Variants in MBD5 observed in about 807,000 individuals in gnomAD.
MBD5 encodes methyl-CpG-binding domain protein 5.
Under a neutral mutation model 117.3 loss-of-function variants are expected in MBD5, and 13 were observed. The observed-to-expected ratio is 0.11, with a 90% CI of 0.07 to 0.18. MBD5 has a LOEUF of 0.18. MBD5 is among the 10% of genes least tolerant of loss of function. The pLI, the probability that MBD5 is intolerant of heterozygous loss-of-function variation, is 1.00. For synonymous variants in MBD5, 727 were observed against 766.4 expected (o/e 0.95, Z 0.85); for missense variants, 1,879 against 2,093.8 (o/e 0.90, Z 2.00).
intron 1 of MBD5, among the ~76,000 whole-genome samples, chr2:148,088,057 G>C (rs2105209880): frequency 6.6e-6 from 1 of 151,786 alleles, no homozygotes. Flanking sequence ...GATAGACTTA[G>C]AGAAATACAA....
intron 1 of MBD5, among the ~76,000 whole-genome samples, chr2:148,112,167 T>C (rs995333351): frequency 1.3e-5 from 2 of 152,186 alleles, no homozygotes; most frequent in Non-Finnish European, 2.9e-5. Context: ...GGAATACTGT[T>C]ATTGGAACTT....
intron 1 of MBD5, among the ~76,000 whole-genome samples, chr2:148,095,376 A>T (rs1696042494): frequency 6.6e-6 from 1 of 152,144 alleles, no homozygotes; most frequent in African/African-American, 2.4e-5. Context: ...AGAAATATAA[A>T]TCTGCTCAAG....
chr2:148,373,552 G>C (rs550190745), intron 4 of MBD5, among the ~76,000 whole-genome samples: 1 of 152,024 alleles, frequency 6.6e-6, no homozygotes, highest in African/African-American at 2.4e-5. Flanking sequence ...GCTTTCTAGA[G>C]CATGCTATTC....
intron 4 of MBD5, among the ~76,000 whole-genome samples, chr2:148,419,708 A>G (rs1225177212): frequency 6.6e-6 from 1 of 152,084 alleles, no homozygotes; most frequent in Non-Finnish European, 1.5e-5. Flanking sequence ...TTTATATGTT[A>G]GTATTATATC....
At chr2:148,211,430 T>G (rs1422224080) in intron 2 of MBD5, among the ~76,000 whole-genome samples, 2 of 152,190 alleles carry the variant, frequency 1.3e-5, no homozygotes, top group African/African-American at 4.8e-5. Flanking sequence ...CAAGATTAAC[T>G]CTTTAAAACT....
chr2:148,160,936 G>T (rs1019317864), intron 1 of MBD5, among the ~76,000 whole-genome samples: 2 of 152,072 alleles, frequency 1.3e-5, no homozygotes, highest in African/African-American at 2.4e-5. Context: ...AACTTGCTTT[G>T]CACGTAGTAG....
intron 2 of MBD5, among the ~76,000 whole-genome samples, chr2:148,199,324 CA>C (rs1480919324): frequency 6.6e-6 from 1 of 152,098 alleles, no homozygotes; most frequent in African/African-American, 2.4e-5. Flanking sequence ...CCAATTGGGG[CA>C]GAAAACTAAC....
rs531622204 is a variant in MBD5, at chr2:148,041,630, T to C, written c.-925+19946T>C. Among the ~76,000 whole-genome samples the C allele has an allele frequency of 2.3e-4, 35 of 152,278 alleles. 1 individual carries two copies. In the South Asian group the frequency reaches 5.8e-3, roughly 25 times the overall value. On this transcript the variant is annotated intron_variant, in intron 1 of 13. Transcript: ENST00000642680. The stretch of plus-strand genomic sequence containing the variant: ...GTTTAACAGCTTTCACTCTTGTACC[T>C]GTACACACGTTACACACTTATGCAT...
intron 1 of MBD5, among the ~76,000 whole-genome samples, chr2:148,065,320 G>C (rs953250237): frequency 6.6e-6 from 1 of 152,132 alleles, no homozygotes; most frequent in Non-Finnish European, 1.5e-5. Flanking sequence ...GTTAAGGTAG[G>C]AGGGGGAGGA....
intron 4 of MBD5, 39 bp downstream of exon 4, chr2:148,342,375 A>G (rs1702968450): frequency 6.6e-6 from 1 of 151,984 alleles, no homozygotes; most frequent in Non-Finnish European, 1.5e-5. Flanking sequence ...TCTTCATACA[A>G]TTATAGTTTT....
intron 3 of MBD5, among the ~76,000 whole-genome samples, chr2:148,310,253 C>T (rs1025828509): frequency 9.9e-5 from 15 of 152,202 alleles, no homozygotes; most frequent in African/African-American, 2.6e-4. Context: ...TGGTAGAATT[C>T]GGCTGTGAAT....
At chr2:148,373,950 A>C (rs1703923032) in intron 4 of MBD5, among the ~76,000 whole-genome samples, 1 of 152,148 alleles carries the variant, frequency 6.6e-6, no homozygotes, top group Non-Finnish European at 1.5e-5. Flanking sequence ...AAAATGCCCC[A>C]AAATCAGAAA....
intron 3 of MBD5, among the ~76,000 whole-genome samples, chr2:148,247,068 T>C (rs1442220898): frequency 6.6e-6 from 1 of 152,152 alleles, no homozygotes; most frequent in Admixed American, 6.6e-5. Context: ...CTGTAAAGCT[T>C]TTTTTAAATT....
At chr2:148,142,296 A>G (rs1391766615) in intron 1 of MBD5, among the ~76,000 whole-genome samples, 1 of 152,222 alleles carries the variant, frequency 6.6e-6, no homozygotes, top group East Asian at 1.9e-4. Context: ...ACTCAGGAAT[A>G]TAATCACAAA....
chr2:148,141,304 A>G (rs767297452), intron 1 of MBD5, among the ~76,000 whole-genome samples: 15 of 152,258 alleles, frequency 9.9e-5, no homozygotes, highest in Admixed American at 6.5e-4. Context: ...AGGTTCTTGC[A>G]ATTGGAGACA....
chr2:148,443,378 C>A (rs1338384093), intron 4 of MBD5, among the ~76,000 whole-genome samples: 1 of 151,286 alleles, frequency 6.6e-6, no homozygotes, highest in African/African-American at 2.5e-5. Flanking sequence ...TATGATCCAG[C>A]AATCTCACTC....
At chr2:148,135,439 TTAAC>T (rs1384805455) in intron 1 of MBD5, among the ~76,000 whole-genome samples, 6 of 152,210 alleles carry the variant, frequency 3.9e-5, no homozygotes, top group African/African-American at 1.4e-4. Context: ...CATACTTTAT[TTAAC>T]TATTTTTTAA....
chr2:148,052,210 T>TTTTTG (rs1465175139), intron 1 of MBD5, among the ~76,000 whole-genome samples: 4 of 135,036 alleles, frequency 3.0e-5, no homozygotes, highest in Admixed American at 1.5e-4. Flanking sequence ...TATTGAGTTT[T>TTTTTG]TTTTTTTTTT....
chr2:148,492,881 G>A (rs948892124), intron 11 of MBD5, among the ~76,000 whole-genome samples: 1 of 152,046 alleles, frequency 6.6e-6, no homozygotes, highest in Admixed American at 6.5e-5. Flanking sequence ...GTATTTCAGA[G>A]AGATATCTAG....
Sources: allele counts gnomAD v4.1 joint callset (sites outside exome capture counted in the v4.1 genomes callset), GRCh38; gene constraint gnomAD v4.1.1; transcripts MANE v1.5; gene names NCBI Gene and HGNC (gene_info 2026-07-23, HGNC 2026-07-21).